Variants in PRKG1 observed in about 807,000 individuals in gnomAD.
The protein encoded by PRKG1 is cGMP-dependent protein kinase 1.
In PRKG1, 35 loss-of-function variants were observed where a neutral mutation model predicts 88.1. That is an observed-to-expected ratio of 0.40 (90% CI 0.30 to 0.53). PRKG1 has a LOEUF of 0.53. Ranked by LOEUF, PRKG1 falls within the 20% of genes least tolerant of loss-of-function variation. PRKG1 has a pLI of 0.59. For synonymous variants in PRKG1, 303 were observed against 292.5 expected, an observed-to-expected ratio of 1.04 and a Z score of -0.37; for missense variants, 540 against 839.8, an observed-to-expected ratio of 0.64 and a Z score of 4.41.
Position 51,037,480 on chromosome 10 carries a change from C to T in PRKG1, c.266+45836C>T, listed in dbSNP as rs970323641. Among the ~76,000 whole-genome samples, 9 of 151,616 alleles carry T rather than the reference C, an allele frequency of 5.9e-5. No homozygotes were observed. The East Asian group carries it at 7.8e-4, about 13-fold the overall frequency. On this transcript the variant is annotated intron_variant, in intron 1 of 17. Coordinates refer to the PRKG1 transcript ENST00000401604. The stretch of plus-strand genomic sequence containing the variant: ...CCTTTCTAAAAAAACAAAAAACAAA[C>T]AAACAAAACAAACAAAAAACTGGCC...
At chr10:51,553,608 A>G (rs1435725887) in intron 3 of PRKG1, among the ~76,000 whole-genome samples, 3 of 151,516 alleles carry the variant, frequency 2.0e-5, no homozygotes, top group Non-Finnish European at 4.4e-5. Flanking sequence ...TGGAATTGAA[A>G]TCTAACCATG....
chr10:51,374,092 A>AT (rs201683714), intron 2 of PRKG1, among the ~76,000 whole-genome samples: 6,344 of 131,142 alleles, frequency 0.048, 318 homozygotes, highest in East Asian at 0.11. Context: ...CAAAAAAAAA[A>AT]AATATATATA....
At chr10:52,193,553 AAAAAAAAAAC>A (rs1839423042) in intron 9 of PRKG1, among the ~76,000 whole-genome samples, 1 of 34,246 alleles carries the variant, frequency 2.9e-5, no homozygotes, top group Admixed American at 4.4e-4. Flanking sequence ...TGTCTCAAAA[AAAAAAAAAAC>A]AAAAAAAAAA....
intron 2 of PRKG1, among the ~76,000 whole-genome samples, chr10:51,412,229 G>T (rs1039720076): frequency 1.4e-5 from 2 of 146,992 alleles, no homozygotes; most frequent in African/African-American, 5.1e-5. Flanking sequence ...AAGAGAGAAA[G>T]AATTGTTCAG....
At chr10:52,204,958 A>T (rs1289341939) in intron 9 of PRKG1, among the ~76,000 whole-genome samples, 12 of 152,102 alleles carry the variant, frequency 7.9e-5, no homozygotes, top group Non-Finnish European at 1.5e-4. Context: ...CAAATAAGGA[A>T]TATTAATAAT....
At chr10:52,274,832 C>T (rs781739974) in intron 12 of PRKG1, among the ~76,000 whole-genome samples, 2 of 152,114 alleles carry the variant, frequency 1.3e-5, no homozygotes, top group Non-Finnish European at 2.9e-5. Context: ...ACTCCATCCA[C>T]ACCAGGATCT....
At chr10:51,754,630 C>A (rs767597359) in intron 3 of PRKG1, among the ~76,000 whole-genome samples, 4 of 152,180 alleles carry the variant, frequency 2.6e-5, no homozygotes, top group Non-Finnish European at 5.9e-5. Flanking sequence ...CTATGAGCAG[C>A]TGAGCTATTG....
chr10:51,991,164 G>A (rs1844296123), intron 5 of PRKG1, among the ~76,000 whole-genome samples: 1 of 152,044 alleles, frequency 6.6e-6, no homozygotes, highest in Admixed American at 6.6e-5. Context: ...AAATGCTACT[G>A]ATTATTCCTG....
chr10:51,651,416 A>G (rs1034767954), intron 3 of PRKG1, among the ~76,000 whole-genome samples: 5 of 151,644 alleles, frequency 3.3e-5, no homozygotes, highest in Non-Finnish European at 5.9e-5. Context: ...TTGTTTACCT[A>G]TAGGTTACCC....
At chr10:51,812,558 G>A (rs951955234) in intron 4 of PRKG1, among the ~76,000 whole-genome samples, 4 of 152,118 alleles carry the variant, frequency 2.6e-5, no homozygotes, top group Non-Finnish European at 1.5e-5. Context: ...GGATCAGACT[G>A]GCAGCAGACC....
chr10:51,652,095 CTTTAT>C (rs1312192978), intron 3 of PRKG1, among the ~76,000 whole-genome samples: 1 of 152,076 alleles, frequency 6.6e-6, no homozygotes, highest in Non-Finnish European at 1.5e-5. Flanking sequence ...TTAGTAATAA[CTTTAT>C]TTTAAGAGAT....
At chr10:51,949,934 A>G (rs938880937) in intron 5 of PRKG1, among the ~76,000 whole-genome samples, 72 of 152,258 alleles carry the variant, frequency 4.7e-4, no homozygotes, top group African/African-American at 1.7e-3. Flanking sequence ...ATGTCCAAGG[A>G]GCGCTTGGGT....
At chr10:52,067,744 A>G (rs866657455) in intron 7 of PRKG1, among the ~76,000 whole-genome samples, 4 of 151,394 alleles carry the variant, frequency 2.6e-5, no homozygotes, top group African/African-American at 4.9e-5. Flanking sequence ...CCTTGCTCTG[A>G]TAAGTGTTTA....
intron 3 of PRKG1, among the ~76,000 whole-genome samples, chr10:51,529,131 C>CT (rs1841953998): frequency 6.6e-6 from 1 of 152,038 alleles, no homozygotes. Context: ...TATTTCCTGA[C>CT]TTTACTTATT....
chr10:51,556,003 G>C (rs1177213593), intron 3 of PRKG1, among the ~76,000 whole-genome samples: 1 of 151,914 alleles, frequency 6.6e-6, no homozygotes, highest in African/African-American at 2.4e-5. Flanking sequence ...AGAAAAGAAA[G>C]GCGAGAAAGA....
intron 5 of PRKG1, among the ~76,000 whole-genome samples, chr10:51,922,122 G>A (rs1220332992): frequency 1.3e-5 from 2 of 151,672 alleles, no homozygotes; most frequent in Non-Finnish European, 3.0e-5. Flanking sequence ...ATCTCTTTGT[G>A]TGTGTTTTGG....
chr10:51,446,778 C>T lies in PRKG1; in HGVS notation c.479-20945C>T, dbSNP rs539195868. Among the ~76,000 whole-genome samples, 64 of 152,132 alleles carry T rather than the reference C, an allele frequency of 4.2e-4. 1 individual carries two copies. The highest frequency in any genetic ancestry group is 1.5e-3 in the African/African-American group (61 of 41,558). On this transcript the variant is annotated intron_variant, in intron 2 of 17. Transcript: ENST00000373980. ...ACACTTTGAGAAGGATGGCCCCTGC[C>T]GTAGGCATTTTCTTAGGTCCATGTT...
At position 51,446,625 on chromosome 10, in the gene PRKG1, C is replaced by T. The variant is rs143607423; in HGVS notation, c.479-21098C>T. Among the ~76,000 whole-genome samples the T allele has an allele frequency of 1.4e-3, 217 of 152,066 alleles. 2 individuals are homozygous for T. Among genetic ancestry groups the T allele is most frequent in the African/African-American group, 5.0e-3 (208 of 41,528 alleles). ...ACCAAATTATGTAAAGGAAAGTTGC[C>T]ACCTTGAATTTTAAATCAAAGGAAA... On this transcript the variant is annotated intron_variant, in intron 2 of 17. Coordinates refer to ENST00000373980, the MANE Select transcript of PRKG1 (RefSeq NM_006258.4).
At chr10:52,179,590 T>C (rs984655469) in intron 9 of PRKG1, among the ~76,000 whole-genome samples, 2 of 152,196 alleles carry the variant, frequency 1.3e-5, no homozygotes, top group Non-Finnish European at 2.9e-5. Context: ...TGGTTGAATA[T>C]ATTTGGGGAT....
Sources: gnomAD v4.1 joint callset for allele counts (sites outside exome capture counted in the v4.1 genomes callset) on GRCh38, gnomAD v4.1.1 for gene constraint, MANE v1.5 for transcripts, NCBI Gene and HGNC (gene_info 2026-07-23, HGNC 2026-07-21) for gene names.